RORA: variants seen among roughly 807,000 people sequenced by gnomAD.
RORA encodes the protein nuclear receptor ROR-alpha.
RORA carries 7 observed loss-of-function variants against 69.5 expected under a neutral mutation model. The ratio of observed to expected loss-of-function variants is 0.10; its 90% confidence interval spans 0.06 to 0.19. RORA has a LOEUF of 0.19. Ranked by LOEUF, RORA falls within the 10% of genes least tolerant of loss-of-function variation. RORA has a pLI of 1.00. For missense variants in RORA, 457 were observed against 663.0 expected (o/e 0.69, Z 3.41); for synonymous variants, 261 against 240.8 (o/e 1.08, Z -0.78).
chr15:60,948,934 T>G (rs1304281946), intron 1 of RORA, among the ~76,000 whole-genome samples: 1 of 152,164 alleles, frequency 6.6e-6, no homozygotes, highest in Non-Finnish European at 1.5e-5. Context: ...AAGGAGTTGT[T>G]CCAGAGCAGG....
chr15:60,991,860 A>G lies in RORA; in HGVS notation c.166+237193T>C, dbSNP rs193220656. ...GGTCAAGGCTATAGCAAGCCATGAC[A>G]GCATCCCTGTACTCCAGCCTGCGTG... On this transcript the variant is annotated intron_variant, in intron 1 of 10. Transcript: ENST00000335670. 4.3e-3 allele frequency among the ~76,000 whole-genome samples: 659 copies of G among 152,190 alleles called. 8 individuals are homozygous for G. Among genetic ancestry groups the G allele is most frequent in the African/African-American group, 0.015 (629 of 41,516 alleles).
At chr15:60,945,627 G>A (rs1227469020) in intron 1 of RORA, among the ~76,000 whole-genome samples, 1 of 152,206 alleles carries the variant, frequency 6.6e-6, no homozygotes, top group Admixed American at 6.5e-5. Context: ...GTTCCATTCA[G>A]AAGTAGTGTT....
At chr15:60,737,012 G>A (rs1032100155) in intron 1 of RORA, 3 of 152,284 alleles carry the variant, frequency 2.0e-5, no homozygotes, top group African/African-American at 7.2e-5. Context: ...GCCCACCGGT[G>A]CAGCTCTTCC....
At chr15:60,947,054 G>C (rs186553064) in intron 1 of RORA, among the ~76,000 whole-genome samples, 3 of 86,764 alleles carry the variant, frequency 3.5e-5, no homozygotes, top group East Asian at 3.3e-4. Flanking sequence ...GCCCCGTCCG[G>C]GAGGGAGGTG....
intron 1 of RORA, among the ~76,000 whole-genome samples, chr15:61,051,362 C>T (rs1359176208): frequency 5.3e-5 from 8 of 152,172 alleles, no homozygotes; most frequent in Non-Finnish European, 4.4e-5. Flanking sequence ...CAGAGATAAG[C>T]ACGCTTTGTG....
intron 1 of RORA, among the ~76,000 whole-genome samples, chr15:61,018,054 T>A (rs2140408570): frequency 6.6e-6 from 1 of 152,370 alleles, no homozygotes; most frequent in South Asian, 2.1e-4. Context: ...TAGAAAACTA[T>A]TCAACTGTCT....
Position 60,905,866 on chromosome 15 carries a change from C to A in RORA, c.167-227180G>T, listed in dbSNP as rs1360637843. 6.6e-6 allele frequency among the ~76,000 whole-genome samples: 1 copy of A among 152,198 alleles called. No individual in the cohort carries two copies. The highest frequency in any genetic ancestry group is 2.4e-5 in the African/African-American group (1 of 41,454). ...ATGGTGCTGAATTCACCTTGTTCTT[C>A]CACCCTCATCATCCTTTATTCTCCC... On this transcript the variant is annotated intron_variant, in intron 1 of 10. Coordinates refer to ENST00000335670, the MANE Select transcript of RORA (RefSeq NM_134261.3). The surrounding 1 kb of genome is among the most constrained non-coding windows in gnomAD (Gnocchi z 4.8).
At chr15:60,966,111 T>C (rs535436341) in intron 1 of RORA, among the ~76,000 whole-genome samples, 1 of 152,306 alleles carries the variant, frequency 6.6e-6, no homozygotes, top group East Asian at 1.9e-4. Flanking sequence ...GCCTTTCTCC[T>C]TGGCCACTCA....
chr15:60,656,243 A>G (rs2070220356), intron 2 of RORA, among the ~76,000 whole-genome samples: 1 of 152,210 alleles, frequency 6.6e-6, no homozygotes, highest in South Asian at 2.1e-4. Context: ...CCCAGATCAC[A>G]CAGCCAGGAA....
intron 1 of RORA, among the ~76,000 whole-genome samples, chr15:60,835,747 C>T (rs967675781): frequency 1.5e-4 from 23 of 152,192 alleles, no homozygotes; most frequent in Admixed American, 5.9e-4. Context: ...TGAACTCAAG[C>T]TATTGAATCG....
At chr15:60,540,277 CTT>C (rs1308052529) in intron 2 of RORA, among the ~76,000 whole-genome samples, 3 of 152,172 alleles carry the variant, frequency 2.0e-5, no homozygotes, top group African/African-American at 2.4e-5. Flanking sequence ...GGGGTCAACT[CTT>C]TGCTTTCATT....
chr15:61,040,135 T>G lies in RORA; in HGVS notation c.166+188918A>C, dbSNP rs1284537963. On this transcript the variant is annotated intron_variant, in intron 1 of 10. Transcript: ENST00000335670. Reference sequence around the variant, plus strand: ...TTTGATATATATATATATATATATATATATATATATATATATATATATATA... The same window carrying G: ...TTTGATATATATATATATATATATAGATATATATATATATATATATATATA... 9.4e-4 allele frequency among the ~76,000 whole-genome samples: 98 copies of G among 103,726 alleles called. 3 individuals are homozygous for G. In the East Asian group the frequency reaches 0.033, roughly 35 times the overall value. The allele number at this position is 103,726 out of a possible 152,430, so 68.0% of individuals were successfully genotyped here.
intron 1 of RORA, among the ~76,000 whole-genome samples, chr15:60,695,090 C>T (rs1222192586): frequency 1.3e-5 from 2 of 152,062 alleles, no homozygotes; most frequent in Admixed American, 1.3e-4. Flanking sequence ...TAGTAATGAT[C>T]CCTGTGCCCA....
Position 61,024,709 on chromosome 15 carries a change from C to A in RORA, c.166+204344G>T, listed in dbSNP as rs531783984. On this transcript the variant is annotated intron_variant, in intron 1 of 10. Transcript: ENST00000335670. ...CACATGACCTGCCCACCTCAGCCTC[C>A]AAAGTGCTGGGATTACAGGCATGAG... Among the ~76,000 whole-genome samples, 3 of 152,124 alleles carry A rather than the reference C, an allele frequency of 2.0e-5. No homozygotes were observed. The East Asian group carries it at 5.8e-4, about 30-fold the overall frequency.
intron 1 of RORA, among the ~76,000 whole-genome samples, chr15:61,085,762 G>A (rs1273891432): frequency 6.6e-6 from 1 of 152,122 alleles, no homozygotes; most frequent in Non-Finnish European, 1.5e-5. Flanking sequence ...CACTTAAATA[G>A]TTTTGTTTTT....
intron 2 of RORA, among the ~76,000 whole-genome samples, chr15:60,617,008 C>G (rs151062726): frequency 6.6e-6 from 1 of 152,148 alleles, no homozygotes; most frequent in East Asian, 1.9e-4. Flanking sequence ...AAGACTTGCA[C>G]AATATAGAAT....
chr15:60,992,007 T>C (rs1448265512), intron 1 of RORA, among the ~76,000 whole-genome samples: 2 of 151,928 alleles, frequency 1.3e-5, no homozygotes, highest in Non-Finnish European at 2.9e-5. Flanking sequence ...TTATGGTAAA[T>C]GAATAAATAA....
intron 1 of RORA, among the ~76,000 whole-genome samples, chr15:61,208,136 A>G (rs1206234796): frequency 6.6e-6 from 1 of 152,240 alleles, no homozygotes; most frequent in Non-Finnish European, 1.5e-5. Context: ...CTCCAAGGGT[A>G]GGAAAGGAAG....
chr15:60,716,180 C>T (rs2071216519), intron 1 of RORA, among the ~76,000 whole-genome samples: 1 of 152,178 alleles, frequency 6.6e-6, no homozygotes, highest in Admixed American at 6.5e-5. Flanking sequence ...ATGGACTAAA[C>T]TTTGAGTAGC....
Sources: allele counts gnomAD v4.1 joint callset (sites outside exome capture counted in the v4.1 genomes callset), GRCh38; gene constraint gnomAD v4.1.1; non-coding constraint Gnocchi (gnomAD v3.1); transcripts MANE v1.5; gene names NCBI Gene and HGNC (gene_info 2026-07-23, HGNC 2026-07-21).